The following ITPR2 variants were observed in gnomAD, a reference collection of about 807,000 sequenced individuals.
ITPR2 encodes the protein inositol 1,4,5-trisphosphate-gated calcium channel ITPR2.
ITPR2 carries 207 observed loss-of-function variants against 317.1 expected under a neutral mutation model. The observed-to-expected ratio is 0.65, with a 90% confidence interval of 0.58 to 0.73. ITPR2 has a LOEUF of 0.73. Ranked by LOEUF, ITPR2 falls within the 30% of genes least tolerant of loss-of-function variation. The probability of loss-of-function intolerance (pLI) is 0.00; values close to 1 mark genes in which losing one functional copy is unlikely to be tolerated. For synonymous variants in ITPR2, 1,156 were observed against 1,149.1 expected, an observed-to-expected ratio of 1.01 and a Z score of -0.12; for missense variants, 2,613 against 3,284.0, an observed-to-expected ratio of 0.80 and a Z score of 4.99.
At chr12:26,541,210 G>T (rs1963061) in intron 37 of ITPR2, among the ~76,000 whole-genome samples, 2 of 150,958 alleles carry the variant, frequency 1.3e-5, no homozygotes, top group Non-Finnish European at 2.9e-5. Context: ...CCAGCTACTC[G>T]GGAGGCTGAG....
chr12:26,428,213 C>T, intron 48 of ITPR2, 125 bp from the exon 49 acceptor site: 1 of 583,746 alleles, frequency 1.7e-6, no homozygotes, highest in Non-Finnish European at 2.7e-6. Flanking sequence ...TCAAAATGAC[C>T]CCATCTACGT....
At chr12:26,507,863 C>CTCTGTGTGTG (rs372756412) in intron 37 of ITPR2, among the ~76,000 whole-genome samples, 2,060 of 132,232 alleles carry the variant, frequency 0.016, 32 homozygotes, top group African/African-American at 0.036. Context: ...CTCTCTGTCT[C>CTCTGTGTGTG]TGTGTGTGTG....
chr12:26,530,080 A>G (rs140143034), intron 37 of ITPR2, among the ~76,000 whole-genome samples: 243 of 152,346 alleles, frequency 1.6e-3, no homozygotes, highest in African/African-American at 5.6e-3. Context: ...AATCCATAAG[A>G]GAGAAGGAGA....
intron 10 of ITPR2, among the ~76,000 whole-genome samples, chr12:26,687,596 A>C (rs1295487948): frequency 6.6e-6 from 1 of 152,134 alleles, no homozygotes; most frequent in East Asian, 1.9e-4. Context: ...ATCCCAGAAC[A>C]TTCACTTGGA....
At chr12:26,585,854 C>A (rs181573139) in intron 32 of ITPR2, among the ~76,000 whole-genome samples, 3 of 152,200 alleles carry the variant, frequency 2.0e-5, no homozygotes, top group Admixed American at 6.5e-5. Context: ...CAAATACATA[C>A]GCTGAACCAT....
chr12:26,469,320 G>T (rs945607502), intron 45 of ITPR2, among the ~76,000 whole-genome samples: 2 of 152,180 alleles, frequency 1.3e-5, no homozygotes, highest in African/African-American at 4.8e-5. Flanking sequence ...TAATAGTCAA[G>T]TACTAATAGC....
chr12:26,344,106 T>C (rs955345765), intron 55 of ITPR2, among the ~76,000 whole-genome samples: 1 of 152,108 alleles, frequency 6.6e-6, no homozygotes, highest in Non-Finnish European at 1.5e-5. Context: ...CCTATGATGA[T>C]GCAGCAAGAA....
intron 13 of ITPR2, among the ~76,000 whole-genome samples, chr12:26,680,420 T>C (rs1352255674): frequency 2.6e-5 from 4 of 152,200 alleles, no homozygotes; most frequent in Non-Finnish European, 5.9e-5. Flanking sequence ...TATTACATCA[T>C]TAAAATAATT....
chr12:26,538,860 C>A (rs1378221243), intron 37 of ITPR2, among the ~76,000 whole-genome samples: 2 of 152,192 alleles, frequency 1.3e-5, no homozygotes, highest in East Asian at 3.8e-4. Context: ...CAGGCGTGAG[C>A]CACTGCGCCC....
rs1349137302 is a variant in ITPR2, at chr12:26,339,490, G to GA, written c.8020-8dup. On this transcript the variant is annotated splice_region_variant and splice_polypyrimidine_tract_variant and intron_variant, in intron 56 of 56. Coordinates refer to ENST00000381340, the MANE Select transcript of ITPR2 (RefSeq NM_002223.4). ...TCTTCCTTTGTTCTGTCATCTGGGG[G>GA]AAAAGAGAGAGTGTGTGTTCAGCGG... 2 of 1,612,090 alleles carry GA rather than the reference G, an allele frequency of 1.2e-6. No individual in the cohort carries two copies. The highest frequency in any genetic ancestry group is 2.7e-5 in the African/African-American group (2 of 74,850).
chr12:26,771,592 G>A (rs1219501816), intron 2 of ITPR2, among the ~76,000 whole-genome samples: 1 of 152,148 alleles, frequency 6.6e-6, no homozygotes, highest in East Asian at 1.9e-4. Flanking sequence ...TCGGCTCACT[G>A]CAAGCTCTGC....
chr12:26,716,679 A>G (rs2137033292), intron 5 of ITPR2, among the ~76,000 whole-genome samples: 1 of 152,342 alleles, frequency 6.6e-6, no homozygotes, highest in South Asian at 2.1e-4. Context: ...ATTATCTTTT[A>G]TAAGAGATGA....
At chr12:26,645,761 A>C (rs922505852) in intron 21 of ITPR2, among the ~76,000 whole-genome samples, 1 of 152,222 alleles carries the variant, frequency 6.6e-6, no homozygotes, top group Non-Finnish European at 1.5e-5. Context: ...AGACCTGAAA[A>C]GAGCTCAGTC....
chr12:26,821,031 TA>T (rs1303209777), intron 1 of ITPR2, among the ~76,000 whole-genome samples: 2 of 152,016 alleles, frequency 1.3e-5, no homozygotes, highest in Non-Finnish European at 2.9e-5. Context: ...TCTGGGATAG[TA>T]AAAAAAAGTT....
At chr12:26,641,446 G>GTT (rs11380165) in intron 21 of ITPR2, among the ~76,000 whole-genome samples, 123 of 148,602 alleles carry the variant, frequency 8.3e-4, no homozygotes, top group African/African-American at 1.8e-3. Flanking sequence ...AAAGCTGTAG[G>GTT]TTTTTTTTTT....
Position 26,346,945 on chromosome 12 carries a change from GC to G in ITPR2, c.7858-6618del, listed in dbSNP as rs538618496. 6.6e-5 allele frequency among the ~76,000 whole-genome samples: 10 copies of G among 152,144 alleles called. No homozygotes were observed. In the South Asian group the frequency reaches 2.1e-3, roughly 32 times the overall value. ...AAACAAATTGTTGAGAGAAGATTGA[GC>G]TTGCCAAGTGAGCAAACAGAAACAC... On this transcript the variant is annotated intron_variant, in intron 55 of 56. Transcript: ENST00000381340.
intron 21 of ITPR2, among the ~76,000 whole-genome samples, chr12:26,640,720 A>G (rs1946964895): frequency 6.6e-6 from 1 of 150,524 alleles, no homozygotes; most frequent in African/African-American, 2.5e-5. Flanking sequence ...TAAAATTAAG[A>G]AAGACACAAG....
intron 10 of ITPR2, among the ~76,000 whole-genome samples, chr12:26,687,330 C>T (rs1948146580): frequency 6.6e-6 from 1 of 151,944 alleles, no homozygotes; most frequent in South Asian, 2.1e-4. Flanking sequence ...GCACGAGAAA[C>T]CAAAACAAGG....
At chr12:26,665,886 A>G in intron 14 of ITPR2, 24 bp downstream of exon 14, 4 of 1,595,054 alleles carry the variant, frequency 2.5e-6, no homozygotes, top group Non-Finnish European at 2.6e-6. Context: ...AAAATATACA[A>G]ATTTAGTACA....
Sources: allele counts gnomAD v4.1 joint callset (sites outside exome capture counted in the v4.1 genomes callset), GRCh38; gene constraint gnomAD v4.1.1; transcripts MANE v1.5; gene names NCBI Gene and HGNC (gene_info 2026-07-23, HGNC 2026-07-21).